SLC39A11: variants seen among roughly 807,000 people sequenced by gnomAD.
SLC39A11 encodes the protein solute carrier family 39 member 11.
Under a neutral mutation model 36.1 loss-of-function variants are expected in SLC39A11, and 33 were observed. That is an observed-to-expected ratio of 0.91 (90% CI 0.69 to 1.22). The LOEUF (loss-of-function observed/expected upper bound fraction) is 1.22. Among genes scored for constraint, SLC39A11 ranks in the 50% most tolerant of loss-of-function variants. The pLI is 0.00. For synonymous variants in SLC39A11, 166 were observed against 170.3 expected, an observed-to-expected ratio of 0.97 and a Z score of 0.20; for missense variants, 432 against 430.3, an observed-to-expected ratio of 1.00 and a Z score of -0.03.
chr17:72,661,907 T>G (rs544514306), intron 7 of SLC39A11, among the ~76,000 whole-genome samples: 1 of 152,314 alleles, frequency 6.6e-6, no homozygotes, highest in Non-Finnish European at 1.5e-5. Context: ...GCCACCACTG[T>G]GCACTTCTCC....
intron 3 of SLC39A11, among the ~76,000 whole-genome samples, chr17:73,067,158 G>A (rs1404270869): frequency 4.6e-5 from 7 of 152,198 alleles, no homozygotes; most frequent in African/African-American, 1.2e-4. Flanking sequence ...TCCAGTTTCC[G>A]TCTGCCCTCT....
At chr17:72,709,268 G>C (rs1192485984) in intron 7 of SLC39A11, among the ~76,000 whole-genome samples, 2 of 152,156 alleles carry the variant, frequency 1.3e-5, no homozygotes, top group Non-Finnish European at 2.9e-5. Flanking sequence ...TCACTTGCCT[G>C]ATGAGGAAAT....
chr17:72,789,704 C>T (rs1343696219), intron 6 of SLC39A11, among the ~76,000 whole-genome samples: 1 of 152,190 alleles, frequency 6.6e-6, no homozygotes, highest in East Asian at 1.9e-4. Context: ...TAAGAAAGAA[C>T]CTTTTCATTA....
chr17:72,865,193 T>C (rs980676286), intron 5 of SLC39A11, among the ~76,000 whole-genome samples: 1 of 151,884 alleles, frequency 6.6e-6, no homozygotes, highest in African/African-American at 2.4e-5. Flanking sequence ...TGAATATGGG[T>C]CCCAGGAACA....
chr17:72,649,394 T>A, intron 7 of SLC39A11, 126 bp from the exon 8 acceptor site: 2 of 723,470 alleles, frequency 2.8e-6, no homozygotes, highest in Non-Finnish European at 4.6e-6. Context: ...TGACCTGCAG[T>A]AGGAGAGGAA....
At chr17:72,952,323 C>T (rs1160027772) in intron 4 of SLC39A11, among the ~76,000 whole-genome samples, 1 of 152,184 alleles carries the variant, frequency 6.6e-6, no homozygotes, top group Non-Finnish European at 1.5e-5. Flanking sequence ...GGAATACATC[C>T]CTCTGAATTT....
chr17:72,708,969 G>A (rs897875844), intron 7 of SLC39A11, among the ~76,000 whole-genome samples: 12 of 149,508 alleles, frequency 8.0e-5, no homozygotes, highest in African/African-American at 3.0e-4. Flanking sequence ...GGAGTCTCGC[G>A]CTGTTGCCCA....
At chr17:72,707,322 T>A (rs1234284826) in intron 7 of SLC39A11, among the ~76,000 whole-genome samples, 1 of 152,164 alleles carries the variant, frequency 6.6e-6, no homozygotes, top group Non-Finnish European at 1.5e-5. Context: ...GAGGATCATA[T>A]GAGCCCAGGA....
chr17:73,010,879 T>C (rs2090470753), intron 4 of SLC39A11, among the ~76,000 whole-genome samples: 1 of 152,246 alleles, frequency 6.6e-6, no homozygotes, highest in African/African-American at 2.4e-5. Context: ...TAAAGCACTT[T>C]CAACTTCGAT....
rs139135132 is a variant in SLC39A11, at chr17:72,947,810, C to T, written c.372G>A (p.Lys124=). The change falls in exon 5 of 10, where the codon AAG becomes AAA. Residue 124 remains lysine, a synonymous_variant. Transcript: ENST00000255559. ...GCAGCGCGGGACCCTCAGGATCAGA[C>T]TTCTTCTTCATCAACGTAGAGCCGA... ...LNFGSTLMKK[K]SDPEGPALLF... 77 of 1,614,160 alleles carry T rather than the reference C, an allele frequency of 4.8e-5. No individual in the cohort carries two copies. In the African/African-American group the frequency reaches 9.5e-4, roughly 20 times the overall value.
At chr17:72,995,681 C>T (rs1270668593) in intron 4 of SLC39A11, among the ~76,000 whole-genome samples, 1 of 152,226 alleles carries the variant, frequency 6.6e-6, no homozygotes, top group Admixed American at 6.5e-5. Context: ...GAAAGTGGCA[C>T]TCCTGGTTCC....
chr17:72,923,448 A>T (rs550539884), intron 5 of SLC39A11, among the ~76,000 whole-genome samples: 1 of 152,354 alleles, frequency 6.6e-6, no homozygotes, highest in East Asian at 1.9e-4. Flanking sequence ...TTGCATGCAA[A>T]AAATTAGTAC....
At chr17:72,790,401 G>A (rs1248534587) in intron 6 of SLC39A11, among the ~76,000 whole-genome samples, 1 of 152,186 alleles carries the variant, frequency 6.6e-6, no homozygotes, top group East Asian at 1.9e-4. Flanking sequence ...GGAATACAAA[G>A]ACACCAGATG....
chr17:72,862,868 A>G (rs1378648860), intron 5 of SLC39A11, among the ~76,000 whole-genome samples: 1 of 152,084 alleles, frequency 6.6e-6, no homozygotes, highest in Non-Finnish European at 1.5e-5. Context: ...GAGTAGCTGT[A>G]TGGTAGAAGA....
At chr17:72,920,170 G>A (rs2083571352) in intron 5 of SLC39A11, among the ~76,000 whole-genome samples, 1 of 152,020 alleles carries the variant, frequency 6.6e-6, no homozygotes. Context: ...AAATTCAACA[G>A]GGGGATAAGG....
intron 4 of SLC39A11, among the ~76,000 whole-genome samples, chr17:72,989,135 A>G (rs962324329): frequency 2.0e-5 from 3 of 152,218 alleles, no homozygotes; most frequent in African/African-American, 7.2e-5. Flanking sequence ...TGCACGTAAA[A>G]ATGGTTATGC....
chr17:72,663,996 G>A (rs1187588063), intron 7 of SLC39A11: 2 of 155,226 alleles, frequency 1.3e-5, no homozygotes, highest in African/African-American at 4.8e-5. Flanking sequence ...CTCTATTGGG[G>A]ATGGTCGTCC....
intron 7 of SLC39A11, among the ~76,000 whole-genome samples, chr17:72,729,217 C>T (rs1406332509): frequency 1.3e-5 from 2 of 150,996 alleles, no homozygotes; most frequent in Non-Finnish European, 2.9e-5. Context: ...TTCTTTCCTG[C>T]CTCAATCCAA....
intron 5 of SLC39A11, among the ~76,000 whole-genome samples, chr17:72,856,210 T>A (rs190337412): frequency 6.6e-6 from 1 of 152,228 alleles, no homozygotes; most frequent in Non-Finnish European, 1.5e-5. Context: ...GTTCTCATTA[T>A]GCCGCTTCTT....
Sources: allele counts gnomAD v4.1 joint callset (sites outside exome capture counted in the v4.1 genomes callset), GRCh38; gene constraint gnomAD v4.1.1; transcripts MANE v1.5; gene names NCBI Gene and HGNC (gene_info 2026-07-23, HGNC 2026-07-21).